The following MAPKAPK2 variants were observed in gnomAD, a reference collection of about 807,000 sequenced individuals.
MAPKAPK2 encodes MAP kinase-activated protein kinase 2.
A neutral mutation model predicts 48.8 loss-of-function variants in MAPKAPK2; 9 were observed. That is an observed-to-expected ratio of 0.18 (90% CI 0.11 to 0.32). The LOEUF (loss-of-function observed/expected upper bound fraction) is 0.32. Ranked by LOEUF, MAPKAPK2 falls within the 10% of genes least tolerant of loss-of-function variation. MAPKAPK2 has a pLI of 1.00. For synonymous variants in MAPKAPK2, 202 were observed against 190.6 expected (o/e 1.06, Z -0.49); for missense variants, 331 against 498.3 (o/e 0.66, Z 3.20).
At chr1:206,695,851 C>T in intron 1 of MAPKAPK2, 1 of 520,570 alleles carries the variant, frequency 1.9e-6, no homozygotes, top group Admixed American at 3.2e-5. Context: ...TGGCAACCCC[C>T]CTTCCTGCGG....
intron 6 of MAPKAPK2, 115 bp downstream of exon 6, chr1:206,730,878 T>TGTACAAA: frequency 1.7e-6 from 2 of 1,148,866 alleles, no homozygotes; most frequent in Non-Finnish European, 2.6e-6. Context: ...GGGAGTCCCC[T>TGTACAAA]GCGTGCCCCT....
chr1:206,731,333 C>T lies in MAPKAPK2; in HGVS notation c.892+71C>T. ...GTGTGTGTGTGTATGTGTGTACACG[C>T]AGACACATGTATGGGCCTCCATCTC... On this transcript the variant is annotated intron_variant, in intron 7 of 9. Transcript: ENST00000367103. This position sits in a 1 kb window ranked among gnomAD's most constrained non-coding sequence, Gnocchi z 5.9. 1.9e-6 allele frequency: 3 copies of T among 1,594,174 alleles called. No homozygotes were observed. The highest frequency in any genetic ancestry group is 1.8e-5 in the Admixed American group (1 of 57,092).
chr1:206,731,974 G>A lies in MAPKAPK2; in HGVS notation c.1059+55G>A. The A allele has an allele frequency of 6.2e-7, 1 of 1,614,134 alleles. No homozygotes were observed. The highest frequency in any genetic ancestry group is 1.1e-5 in the South Asian group (1 of 91,088). On this transcript the variant is annotated intron_variant, in intron 9 of 9. Coordinates refer to ENST00000367103, the MANE Select transcript of MAPKAPK2 (RefSeq NM_032960.4). This position sits in a 1 kb window ranked among gnomAD's most constrained non-coding sequence, Gnocchi z 5.9. ...CCAGGTGGGGTGGGCGGCTTGCGGGGAGTGCCCAGGTGTGAGGCGTGGTGC... is the reference window on the plus strand; with the variant it reads ...CCAGGTGGGGTGGGCGGCTTGCGGGAAGTGCCCAGGTGTGAGGCGTGGTGC...
intron 1 of MAPKAPK2, among the ~76,000 whole-genome samples, chr1:206,699,428 C>T (rs782164918): frequency 4.6e-5 from 7 of 152,164 alleles, no homozygotes; most frequent in African/African-American, 7.2e-5. Context: ...GATGAAAATA[C>T]GTCCAGTGGG....
At position 206,733,030 on chromosome 1, in the gene MAPKAPK2, C is replaced by T; in HGVS notation, c.*312C>T. On this transcript the variant is annotated 3_prime_UTR_variant, in exon 10 of 10. Coordinates refer to ENST00000367103, the MANE Select transcript of MAPKAPK2 (RefSeq NM_032960.4). ...TTGTTGTCCTTGCCCCACTCCTCTCCACCAGACGCCTTCCTCTCTGGATAC... is the reference window on the plus strand; with the variant it reads ...TTGTTGTCCTTGCCCCACTCCTCTCTACCAGACGCCTTCCTCTCTGGATAC... 1 of 310,322 alleles carries T rather than the reference C, an allele frequency of 3.2e-6. No homozygotes were observed. Among genetic ancestry groups the T allele is most frequent in the Non-Finnish European group, 6.1e-6 (1 of 164,876 alleles). 19.2% of individuals were successfully genotyped at this position (310,322 alleles called of 1,614,324 possible). A position where few individuals can be genotyped will look rare whatever the true frequency, so the allele number is the denominator to read the frequency against.
intron 2 of MAPKAPK2, 65 bp from the exon 3 acceptor site, chr1:206,728,970 G>A: frequency 6.2e-7 from 1 of 1,609,998 alleles, no homozygotes; most frequent in African/African-American, 1.3e-5. Flanking sequence ...TTGATTTTTT[G>A]GGGGGCAGTG....
intron 1 of MAPKAPK2, among the ~76,000 whole-genome samples, chr1:206,692,005 A>C (rs921816129): frequency 1.6e-4 from 24 of 152,374 alleles, no homozygotes; most frequent in African/African-American, 5.0e-4. Flanking sequence ...CCTTAAAATC[A>C]GAAGAATCAT....
At chr1:206,702,982 CT>C (rs1459446046) in intron 1 of MAPKAPK2, among the ~76,000 whole-genome samples, 4 of 152,252 alleles carry the variant, frequency 2.6e-5, no homozygotes, top group Non-Finnish European at 5.9e-5. Flanking sequence ...GCCTGCATGA[CT>C]GCTATGCACT....
chr1:206,695,904 A>T lies in MAPKAPK2; in HGVS notation c.279+10396A>T, dbSNP rs937618421. 3 of 614,916 alleles carry T rather than the reference A, an allele frequency of 4.9e-6. No homozygotes were observed. In the East Asian group the frequency reaches 8.8e-5, roughly 18 times the overall value. 38.1% of individuals were successfully genotyped at this position (614,916 alleles called of 1,614,324 possible). A position where few individuals can be genotyped will look rare whatever the true frequency, so the allele number is the denominator to read the frequency against. On this transcript the variant is annotated intron_variant, in intron 1 of 9. Transcript: ENST00000367103. ...GGGAGTGACGTCCTCAATCTGTCCG[A>T]TCTTCATACCTGAGCGGGCAAGGGC...
chr1:206,726,541 G>A (rs1217331827), intron 1 of MAPKAPK2, among the ~76,000 whole-genome samples: 1 of 152,242 alleles, frequency 6.6e-6, no homozygotes, highest in Non-Finnish European at 1.5e-5. Context: ...GAGAGACCGA[G>A]TTATCTAGTC....
At chr1:206,705,226 C>G (rs566288093) in intron 1 of MAPKAPK2, among the ~76,000 whole-genome samples, 4 of 151,932 alleles carry the variant, frequency 2.6e-5, no homozygotes, top group Admixed American at 6.5e-5. Context: ...TGTGTATGTA[C>G]GGTGGGTTGG....
chr1:206,732,829 G>T lies in MAPKAPK2; in HGVS notation c.*111G>T, dbSNP rs1673970289. The T allele has an allele frequency of 1.6e-6, 2 of 1,270,834 alleles. No homozygotes were observed. The highest frequency in any genetic ancestry group is 1.4e-5 in the South Asian group (1 of 69,948). The allele number at this position is 1,270,834 out of a possible 1,614,324, so 78.7% of individuals were successfully genotyped here. A position where few individuals can be genotyped will look rare whatever the true frequency, so the allele number is the denominator to read the frequency against. Reference sequence around the variant, plus strand: ...CATCTGCCTCCTCTCCTCCTCAGCTGCATGGAGCCTGGAACTGCATCAGTG... The same window carrying T: ...CATCTGCCTCCTCTCCTCCTCAGCTTCATGGAGCCTGGAACTGCATCAGTG... On this transcript the variant is annotated 3_prime_UTR_variant, in exon 10 of 10. Transcript: ENST00000367103. This position sits in a 1 kb window ranked among gnomAD's most constrained non-coding sequence, Gnocchi z 4.4.
At position 206,704,965 on chromosome 1, in the gene MAPKAPK2, C is replaced by T. The variant is rs1301182392; in HGVS notation, c.279+19457C>T. Among the ~76,000 whole-genome samples, 3 of 152,196 alleles carry T rather than the reference C, an allele frequency of 2.0e-5. No homozygotes were observed. The highest frequency in any genetic ancestry group is 6.5e-5 in the Admixed American group (1 of 15,280). ...AAACTGGGGAACAGTCTGCAATGCA[C>T]ATTACTGAATTAAAAGCTCTGAGAA... On this transcript the variant is annotated intron_variant, in intron 1 of 9. Transcript: ENST00000367103. This position sits in a 1 kb window ranked among gnomAD's most constrained non-coding sequence, Gnocchi z 4.3.
At chr1:206,714,344 A>G (rs1189944318) in intron 1 of MAPKAPK2, among the ~76,000 whole-genome samples, 3 of 152,132 alleles carry the variant, frequency 2.0e-5, no homozygotes, top group Non-Finnish European at 4.4e-5. Flanking sequence ...AAACGAGACT[A>G]GCTTGCTGTG....
At chr1:206,723,818 C>G (rs1394961079) in intron 1 of MAPKAPK2, among the ~76,000 whole-genome samples, 1 of 152,220 alleles carries the variant, frequency 6.6e-6, no homozygotes, top group East Asian at 1.9e-4. Flanking sequence ...TTAGGCAGCT[C>G]CCGCAGCTCC....
chr1:206,716,563 C>T (rs1435177706), intron 1 of MAPKAPK2, among the ~76,000 whole-genome samples: 2 of 152,174 alleles, frequency 1.3e-5, no homozygotes, highest in African/African-American at 4.8e-5. Context: ...CTCTCCTCCA[C>T]CCCCTGTGAG....
intron 1 of MAPKAPK2, among the ~76,000 whole-genome samples, chr1:206,710,508 C>T (rs12030124): frequency 0.17 from 26,191 of 152,110 alleles, 2,460 homozygotes; most frequent in Non-Finnish European, 0.22. Context: ...TCAAGCCAAA[C>T]GTAATGGAAT....
At chr1:206,691,482 G>GATAT (rs56752335) in intron 1 of MAPKAPK2, among the ~76,000 whole-genome samples, 3,741 of 77,236 alleles carry the variant, frequency 0.048, 469 homozygotes, top group African/African-American at 0.15. Context: ...TGTATTTTAA[G>GATAT]ATATATATAT....
intron 1 of MAPKAPK2, among the ~76,000 whole-genome samples, chr1:206,686,525 GT>G: frequency 6.6e-6 from 1 of 152,284 alleles, no homozygotes; most frequent in South Asian, 2.1e-4. Context: ...TCTCACAGGG[GT>G]TTCAGGTCAA....
Sources: gnomAD v4.1 joint callset for allele counts (sites outside exome capture counted in the v4.1 genomes callset) on GRCh38, gnomAD v4.1.1 for gene constraint, Gnocchi (gnomAD v3.1) non-coding constraint, MANE v1.5 for transcripts, NCBI Gene and HGNC (gene_info 2026-07-23, HGNC 2026-07-21) for gene names.